ASB3: variants seen among roughly 807,000 people sequenced by gnomAD.
ASB3 encodes the protein ankyrin repeat and SOCS box protein 3.
ASB3 carries 41 observed loss-of-function variants against 54.5 expected under a neutral mutation model. That is an observed-to-expected ratio of 0.75 (90% confidence interval 0.59 to 0.98). ASB3 has a LOEUF of 0.98. ASB3 is among the 50% of genes least tolerant of loss of function. ASB3 has a pLI of 0.00. For synonymous variants in ASB3, 266 were observed against 221.2 expected, an observed-to-expected ratio of 1.20 and a Z score of -1.80; for missense variants, 733 against 620.0, an observed-to-expected ratio of 1.18 and a Z score of -1.94.
rs760179206 is a variant in ASB3 at position 53,768,018 on chromosome 2, C to T, written c.-13-2433G>A. ...GCACGGACCACCGCGGGGTCCCCGG[C>T]AAGGTGAGGCGCCGGTCAGCTCCCC... is the stretch of plus-strand genomic sequence containing the variant. On this transcript the variant is annotated intron_variant, in intron 1 of 9. Transcript: ENST00000263634. 3.7e-6 allele frequency: 6 copies of T among 1,613,208 alleles called. No individual in the cohort carries two copies. The Admixed American group carries it at 1.0e-4, about 27-fold the overall frequency.
intron 1 of ASB3, chr2:53,774,628 CTTTTA>C (rs901422519): frequency 5.9e-6 from 5 of 842,974 alleles, no homozygotes; most frequent in Non-Finnish European, 8.5e-6. Flanking sequence ...ATTATTTAAA[CTTTTA>C]TTTTAACTGG....
intron 3 of ASB3, among the ~76,000 whole-genome samples, chr2:53,735,762 T>A (rs954300871): frequency 6.6e-6 from 1 of 152,040 alleles, no homozygotes; most frequent in Non-Finnish European, 1.5e-5. Flanking sequence ...AAAGCTGGAA[T>A]AATTAAGGTA....
At chr2:53,686,912 GT>G (rs1668662993) in intron 9 of ASB3, among the ~76,000 whole-genome samples, 1 of 152,052 alleles carries the variant, frequency 6.6e-6, no homozygotes, top group Non-Finnish European at 1.5e-5. Flanking sequence ...GTAGAGACAG[GT>G]TTCTCCATGT....
chr2:53,774,102 A>G (rs1341844979), intron 1 of ASB3: 1 of 1,527,778 alleles, frequency 6.5e-7, no homozygotes, highest in African/African-American at 1.4e-5. Context: ...TATTTTAATT[A>G]GCCTTATAAT....
chr2:53,722,179 A>T (rs114919418), intron 5 of ASB3, among the ~76,000 whole-genome samples: 2,473 of 151,538 alleles, frequency 0.016, 75 homozygotes, highest in African/African-American at 0.055. Context: ...TCCATAATAA[A>T]AAAAAAAAAA....
chr2:53,737,065 T>A (rs1671677757), intron 3 of ASB3, among the ~76,000 whole-genome samples: 1 of 152,202 alleles, frequency 6.6e-6, no homozygotes, highest in Admixed American at 6.5e-5. Context: ...AGCTTCAGAA[T>A]TATACTTTGG....
At chr2:53,717,229 A>G (rs2009143) in intron 5 of ASB3, among the ~76,000 whole-genome samples, 37,814 of 152,188 alleles carry the variant, frequency 0.25, 4,765 homozygotes, top group Middle Eastern at 0.31. Flanking sequence ...GAAAAATGCA[A>G]ACTATCAAAC....
At chr2:53,727,571 G>T (rs1468897104) in intron 5 of ASB3, among the ~76,000 whole-genome samples, 1 of 152,144 alleles carries the variant, frequency 6.6e-6, no homozygotes, top group African/African-American at 2.4e-5. Context: ...AGGAGTTTAA[G>T]GTTACAATGA....
chr2:53,714,744 C>G (rs750033721), intron 6 of ASB3, among the ~76,000 whole-genome samples, 163 bp from the exon 7 acceptor site: 1 of 152,060 alleles, frequency 6.6e-6, no homozygotes, highest in Admixed American at 6.5e-5. Flanking sequence ...CTATTACATG[C>G]TATATATTTA....
At chr2:53,690,719 T>C (rs1255394898) in intron 9 of ASB3, among the ~76,000 whole-genome samples, 7 of 152,232 alleles carry the variant, frequency 4.6e-5, no homozygotes, top group Middle Eastern at 3.4e-3. Context: ...TTCGTTTTTC[T>C]TTTCCTTCTA....
chr2:53,677,806 T>G (rs183085397), intron 9 of ASB3, among the ~76,000 whole-genome samples: 4 of 152,270 alleles, frequency 2.6e-5, no homozygotes, highest in Non-Finnish European at 5.9e-5. Context: ...TCCGAATGTG[T>G]AGATTAGAGT....
intron 9 of ASB3, among the ~76,000 whole-genome samples, chr2:53,675,801 C>A (rs1164586557): frequency 6.6e-6 from 1 of 152,128 alleles, no homozygotes; most frequent in African/African-American, 2.4e-5. Flanking sequence ...CTACTTTTCA[C>A]AAGAAAATAA....
At position 53,728,818 on chromosome 2, in the gene ASB3, A is replaced by G; in HGVS notation, c.498T>C (p.Leu166=). The G allele has an allele frequency of 6.2e-7, 1 of 1,611,458 alleles. No homozygotes were observed. The highest frequency in any genetic ancestry group is 1.1e-5 in the South Asian group (1 of 90,566). The change falls in exon 5 of 10, where the codon CTT becomes CTC. Residue 166 remains leucine (L), a synonymous_variant. Transcript: ENST00000263634. ...QENAEIIKLL[L]RKGANKECQD... ...GGCATTCCTTGTTTGCTCCTTTTCT[A>G]AGAAGCAATTTTATGATCTCAGCAT... is the stretch of plus-strand genomic sequence containing the variant.
chr2:53,695,877 G>A (rs1669156340), intron 8 of ASB3, among the ~76,000 whole-genome samples: 2 of 152,112 alleles, frequency 1.3e-5, no homozygotes, highest in Admixed American at 6.6e-5. Flanking sequence ...TTTCAAGACT[G>A]TTTAAGACAA....
intron 7 of ASB3, among the ~76,000 whole-genome samples, chr2:53,706,122 A>G (rs997473046): frequency 6.6e-6 from 1 of 152,204 alleles, no homozygotes; most frequent in Non-Finnish European, 1.5e-5. Flanking sequence ...TACTATCCCT[A>G]TTTTAAAGAT....
At chr2:53,714,331 A>G (rs917473646) in intron 7 of ASB3, 53 bp downstream of exon 7, 22 of 1,585,324 alleles carry the variant, frequency 1.4e-5, no homozygotes, top group Non-Finnish European at 1.8e-5. Flanking sequence ...TTCAAAACAC[A>G]TCTCCATACA....
chr2:53,734,809 T>G (rs772819280), intron 3 of ASB3, among the ~76,000 whole-genome samples: 12 of 152,150 alleles, frequency 7.9e-5, no homozygotes, highest in Non-Finnish European at 1.8e-4. Context: ...CTCTAACAAC[T>G]CATTCTTCTT....
chr2:53,761,858 T>C (rs1009756785), intron 2 of ASB3, among the ~76,000 whole-genome samples: 3 of 152,220 alleles, frequency 2.0e-5, no homozygotes, highest in Non-Finnish European at 4.4e-5. Context: ...TAGACAAAGA[T>C]ATATACATAA....
Position 53,777,351 on chromosome 2 carries a change from T to G in ASB3, c.-14+9470A>C, listed in dbSNP as rs75313743. Among the ~76,000 whole-genome samples, 1,112 of 152,318 alleles carry G rather than the reference T, an allele frequency of 7.3e-3. 15 individuals are homozygous for G. The highest frequency in any genetic ancestry group is 0.024 in the African/African-American group (1,003 of 41,560). On this transcript the variant is annotated intron_variant, in intron 1 of 9. Coordinates refer to ENST00000263634, the MANE Select transcript of ASB3 (RefSeq NM_016115.5). ...ACCCAAAGATTGCAATTTTCATGCT[T>G]CTCTGGTGCATCAGACACTAGTGAT...
Sources: gnomAD v4.1 joint callset for allele counts (sites outside exome capture counted in the v4.1 genomes callset) on GRCh38, gnomAD v4.1.1 for gene constraint, MANE v1.5 for transcripts, NCBI Gene and HGNC (gene_info 2026-07-23, HGNC 2026-07-21) for gene names.